Variants in USP34 observed in about 807,000 individuals in gnomAD.
USP34 encodes ubiquitin carboxyl-terminal hydrolase 34.
A neutral mutation model predicts 460.3 loss-of-function variants in USP34; 70 were observed. That is an observed-to-expected ratio of 0.15 (90% CI 0.13 to 0.19). USP34 has a LOEUF of 0.19. Ranked by LOEUF, USP34 falls within the 10% of genes least tolerant of loss-of-function variation. USP34 has a pLI of 1.00. For synonymous variants in USP34, 1,647 were observed against 1,405.3 expected (o/e 1.17, Z -3.85); for missense variants, 3,985 against 4,236.2 (o/e 0.94, Z 1.65).
chr2:61,279,452 C>T (rs1463312254), intron 39 of USP34, among the ~76,000 whole-genome samples: 1 of 152,100 alleles, frequency 6.6e-6, no homozygotes, highest in African/African-American at 2.4e-5. Context: ...CTTTAAGTGG[C>T]AAGATTTGCT....
chr2:61,469,801 G>C (rs1211928934), intron 1 of USP34, among the ~76,000 whole-genome samples: 2 of 152,174 alleles, frequency 1.3e-5, no homozygotes, highest in African/African-American at 2.4e-5. Context: ...TTTACGCCCA[G>C]AAGTAGTTGA....
intron 21 of USP34, among the ~76,000 whole-genome samples, chr2:61,322,822 A>G (rs1340453470): frequency 6.6e-6 from 1 of 152,230 alleles, no homozygotes; most frequent in African/African-American, 2.4e-5. Flanking sequence ...ATTTTAGTAT[A>G]TATCAGAACT....
intron 70 of USP34, 62 bp from the exon 71 acceptor site, chr2:61,206,948 G>A: frequency 6.5e-7 from 1 of 1,542,510 alleles, no homozygotes; most frequent in Non-Finnish European, 8.8e-7. Context: ...GCCACAAAAT[G>A]GTAGTACTCG....
chr2:61,374,294 C>T (rs896217440), intron 8 of USP34, among the ~76,000 whole-genome samples: 8 of 152,048 alleles, frequency 5.3e-5, no homozygotes, highest in African/African-American at 1.7e-4. Context: ...GGACTTCTTA[C>T]ACTCCACCAC....
chr2:61,240,756 T>C (rs1264132783), intron 53 of USP34, among the ~76,000 whole-genome samples: 3 of 151,824 alleles, frequency 2.0e-5, no homozygotes, highest in Admixed American at 2.0e-4. Flanking sequence ...GTATTTTTAG[T>C]ACAGCTGCAG....
intron 33 of USP34, among the ~76,000 whole-genome samples, chr2:61,290,781 C>CAACCTCA (rs1198833404): frequency 6.6e-6 from 1 of 152,046 alleles, no homozygotes; most frequent in Non-Finnish European, 1.5e-5. Flanking sequence ...AAGTATACTG[C>CAACCTCA]AACCTCACAT....
intron 53 of USP34, among the ~76,000 whole-genome samples, chr2:61,239,899 T>C (rs1370113634): frequency 6.6e-6 from 1 of 150,984 alleles, no homozygotes; most frequent in African/African-American, 2.4e-5. Flanking sequence ...TAGTCCCAGC[T>C]ACTAGGGAGG....
rs960895659 is a variant in USP34 at position 61,227,145 on chromosome 2, T to C, written c.7517A>G (p.Glu2506Gly). Residue 2506 changes from glutamate (E) to glycine (G), a missense_variant, in exon 62 of 80, where the codon GAA (glutamate) becomes GGA (glycine). Transcript: ENST00000398571. ...AAGGGCAGCTGGCCTGTATTTTTCT[T>C]CTGCCAGAGAGAGGATATCTTCTTC... The part of the protein sequence containing the change: ...EEEEDILSLA[E>G]EKYRPAALEK... 1.2e-6 allele frequency: 2 copies of C among 1,614,100 alleles called. No homozygotes were observed. The highest frequency in any genetic ancestry group is 1.7e-6 in the Non-Finnish European group (2 of 1,179,994).
chr2:61,387,935 A>G (rs1693215268), intron 5 of USP34, among the ~76,000 whole-genome samples: 1 of 146,380 alleles, frequency 6.8e-6, no homozygotes, highest in Admixed American at 7.0e-5. Flanking sequence ...TTATACACAC[A>G]CACACACACA....
Position 61,206,799 on chromosome 2 carries a change from A to T in USP34, c.9007T>A (p.Ser3003Thr), listed in dbSNP as rs1687133110. The T allele has an allele frequency of 6.2e-7, 1 of 1,613,740 alleles. No homozygotes were observed. Among genetic ancestry groups the T allele is most frequent in the Non-Finnish European group, 8.5e-7 (1 of 1,179,782 alleles). ...DLVELLSIFLSVLKSTRPYLQ... is the reference protein window; with the variant it reads ...DLVELLSIFLTVLKSTRPYLQ... ...TAAGGGCGTGTAGACTTCAAAACCG[A>T]AAGAAATATTGACAGAAGTTCTACT... The change falls in exon 71 of 80, where the codon TCG (serine) becomes ACG (threonine). Residue 3003 changes from serine (S) to threonine (T), a missense_variant. Transcript: ENST00000398571.
Position 61,343,957 on chromosome 2 carries a change from TTC to T in USP34, c.2356_2357del (p.Glu786LysfsTer5). On this transcript the variant is annotated frameshift_variant, in exon 16 of 80. Coordinates refer to ENST00000398571, the MANE Select transcript of USP34 (RefSeq NM_014709.4). LOFTEE classifies it high-confidence loss of function. ...CSSSQVSAKS[E>X]KNMADFDGEE... The stretch of plus-strand genomic sequence containing the variant: ...CACCATCAAAATCAGCCATATTTTT[TTC>T]TGATTTTGCACTAACCTGGGAGCTA... The T allele has an allele frequency of 6.2e-7, 1 of 1,613,966 alleles. No homozygotes were observed. The highest frequency in any genetic ancestry group is 8.5e-7 in the Non-Finnish European group (1 of 1,179,922).
intron 72 of USP34, 97 bp from the exon 73 acceptor site, chr2:61,204,698 C>A: frequency 1.1e-6 from 1 of 922,236 alleles, no homozygotes; most frequent in Non-Finnish European, 1.7e-6. Context: ...TCACTACAAC[C>A]AGTTTAATGA....
At chr2:61,259,984 T>C (rs1461952827) in intron 43 of USP34, among the ~76,000 whole-genome samples, 1 of 152,246 alleles carries the variant, frequency 6.6e-6, no homozygotes, top group African/African-American at 2.4e-5. Context: ...ATTACTATCT[T>C]ATAAGGAAAC....
intron 39 of USP34, among the ~76,000 whole-genome samples, chr2:61,279,504 G>A (rs549714634): frequency 3.7e-4 from 57 of 152,092 alleles, no homozygotes; most frequent in African/African-American, 1.3e-3. Flanking sequence ...TCACTCTGTC[G>A]CCAGGCTAGA....
At chr2:61,275,806 G>A (rs1689356416) in intron 41 of USP34, among the ~76,000 whole-genome samples, 1 of 152,152 alleles carries the variant, frequency 6.6e-6, no homozygotes, top group Non-Finnish European at 1.5e-5. Context: ...ACCTGTCTAT[G>A]CCTCAGTTTC....
In USP34 at chr2:61,204,323, C is replaced by T. The variant is rs781541100; in HGVS notation, c.9317G>A (p.Ser3106Asn). The stretch of plus-strand genomic sequence containing the variant: ...TTCAGGGCGCGGAGGCCGAATATTG[C>T]TTTTCCCTCCTATTAGCTTGATATT... ...RENIKLIGGK[S>N]NIRPPRPELN... The change falls in exon 74 of 80, where the codon AGC (serine) becomes AAC (asparagine). Residue 3106 changes from serine to asparagine, a missense_variant. Ser to Asn is a conservative substitution (Grantham distance 46). This residue lies in a region of USP34 where 275 missense variants were observed against 292.7 expected (regional missense o/e 0.94). Transcript: ENST00000398571. 6 of 1,614,048 alleles carry T rather than the reference C, an allele frequency of 3.7e-6. No homozygotes were observed. The highest frequency in any genetic ancestry group is 5.1e-6 in the Non-Finnish European group (6 of 1,180,036).
At chr2:61,371,387 TA>T (rs1424695046) in intron 8 of USP34, among the ~76,000 whole-genome samples, 2 of 150,498 alleles carry the variant, frequency 1.3e-5, no homozygotes, top group East Asian at 1.9e-4. Flanking sequence ...CTAGTTTTTT[TA>T]AAAAAAGGCA....
At chr2:61,417,455 A>G in intron 2 of USP34, 1 of 343,958 alleles carries the variant, frequency 2.9e-6, no homozygotes, top group Non-Finnish European at 5.6e-6. Flanking sequence ...TGACACAGAT[A>G]ATACTTGATC....
At chr2:61,429,934 C>T (rs546025986) in intron 1 of USP34, among the ~76,000 whole-genome samples, 46 of 152,206 alleles carry the variant, frequency 3.0e-4, no homozygotes, top group African/African-American at 1.0e-3. Context: ...AAAAATTAGG[C>T]TGGGCGCGGT....
Sources: allele counts gnomAD v4.1 joint callset (sites outside exome capture counted in the v4.1 genomes callset), GRCh38; gene constraint gnomAD v4.1.1; regional missense constraint gnomAD v4.1.1; transcripts MANE v1.5; gene names NCBI Gene and HGNC (gene_info 2026-07-23, HGNC 2026-07-21).